The following AKAP7 variants were observed in gnomAD, a reference collection of about 807,000 sequenced individuals.
The protein encoded by AKAP7 is A kinase (PRKA) anchor protein 7.
A neutral mutation model predicts 39.5 loss-of-function variants in AKAP7; 39 were observed. The ratio of observed to expected loss-of-function variants is 0.99; its 90% CI spans 0.76 to 1.29. The LOEUF (loss-of-function observed/expected upper bound fraction) is 1.29, where lower values mean the gene tolerates loss of function less well. Ranked by LOEUF, AKAP7 falls within the 50% of genes most tolerant of loss-of-function variation. The probability of loss-of-function intolerance (pLI) is 0.00; values close to 1 mark genes in which losing one functional copy is unlikely to be tolerated. For missense variants in AKAP7, 414 were observed against 407.7 expected, an observed-to-expected ratio of 1.02 and a Z score of -0.13; for synonymous variants, 140 against 139.1, an observed-to-expected ratio of 1.01 and a Z score of -0.05.
intron 2 of AKAP7, among the ~76,000 whole-genome samples, chr6:131,153,509 T>C (rs1166758682): frequency 6.6e-6 from 1 of 152,210 alleles, no homozygotes; most frequent in Non-Finnish European, 1.5e-5. Context: ...TTATATGTTA[T>C]AACCATTACC....
intron 7 of AKAP7, among the ~76,000 whole-genome samples, chr6:131,228,312 G>GT (rs1294418636): frequency 6.6e-5 from 10 of 152,290 alleles, no homozygotes; most frequent in African/African-American, 2.4e-4. Flanking sequence ...ATTTGAAAAT[G>GT]TTGAATTTGA....
intron 2 of AKAP7, among the ~76,000 whole-genome samples, chr6:131,156,121 T>C (rs1418448904): frequency 6.6e-6 from 1 of 152,164 alleles, no homozygotes. Flanking sequence ...TGTTTTCCCT[T>C]CTATCTTTTG....
At chr6:131,263,705 A>G (rs1301188881) in intron 7 of AKAP7, among the ~76,000 whole-genome samples, 1 of 152,172 alleles carries the variant, frequency 6.6e-6, no homozygotes, top group Admixed American at 6.5e-5. Flanking sequence ...AGAGAATGTG[A>G]GAGGAGCAGT....
chr6:131,222,632 A>G (rs550789373), intron 7 of AKAP7, among the ~76,000 whole-genome samples: 1 of 152,320 alleles, frequency 6.6e-6, no homozygotes, highest in Non-Finnish European at 1.5e-5. Flanking sequence ...TTAGTGGATA[A>G]TGAGTTGCTT....
At chr6:131,262,994 A>AG (rs1444339388) in intron 7 of AKAP7, among the ~76,000 whole-genome samples, 1 of 152,180 alleles carries the variant, frequency 6.6e-6, no homozygotes, top group Non-Finnish European at 1.5e-5. Flanking sequence ...CTCAGACGTC[A>AG]GGGGGCCAAA....
At chr6:131,229,903 T>C (rs979017771) in intron 7 of AKAP7, among the ~76,000 whole-genome samples, 2 of 152,190 alleles carry the variant, frequency 1.3e-5, no homozygotes, top group Non-Finnish European at 2.9e-5. Context: ...TTTTAATTGT[T>C]GCTGCAAAGG....
At position 131,164,860 on chromosome 6, in the gene AKAP7, A is replaced by C. The variant is rs527779060; in HGVS notation, c.292-221A>C. Among the ~76,000 whole-genome samples the C allele has an allele frequency of 1.5e-4, 23 of 152,322 alleles. 1 individual carries two copies. The South Asian group carries it at 1.9e-3, about 12-fold the overall frequency. On this transcript the variant is annotated intron_variant, in intron 3 of 7. Coordinates refer to ENST00000431975, the MANE Select transcript of AKAP7 (RefSeq NM_016377.4). ...TGGGTTCAGTACTGTTAAGATAGAC[A>C]ATCATCATGCTTTAAAACTTACACA... is the stretch of plus-strand genomic sequence containing the variant.
rs186453348 is a variant in AKAP7, at chr6:131,279,393, T to A, written c.851-2137T>A. ...AAGTGATTCTCCTGCCTCAGCCCCC[T>A]GAGTAGCTGGGGCTACAGGTGCATG... is the stretch of plus-strand genomic sequence containing the variant. On this transcript the variant is annotated intron_variant, in intron 7 of 7. Coordinates refer to ENST00000431975, the MANE Select transcript of AKAP7 (RefSeq NM_016377.4). 5.1e-3 allele frequency among the ~76,000 whole-genome samples: 781 copies of A among 152,118 alleles called. 7 individuals are homozygous for A. The highest frequency in any genetic ancestry group is 0.018 in the African/African-American group (734 of 41,506).
chr6:131,271,743 A>G (rs1167093275), intron 7 of AKAP7, among the ~76,000 whole-genome samples: 1 of 152,188 alleles, frequency 6.6e-6, no homozygotes, highest in African/African-American at 2.4e-5. Flanking sequence ...GTAGAGACAC[A>G]TGAGTCAAAT....
chr6:131,227,253 C>T (rs1157846977), intron 7 of AKAP7, among the ~76,000 whole-genome samples: 3 of 152,090 alleles, frequency 2.0e-5, no homozygotes, highest in African/African-American at 7.2e-5. Flanking sequence ...CAACCTGATA[C>T]AATGAAAGAG....
chr6:131,224,819 A>G (rs757164369), intron 7 of AKAP7, among the ~76,000 whole-genome samples: 1 of 133,178 alleles, frequency 7.5e-6, no homozygotes, highest in Admixed American at 9.1e-5. Flanking sequence ...TTGGCTTACC[A>G]CAACCTCTAC....
chr6:131,189,845 C>T (rs1286008120), intron 5 of AKAP7, among the ~76,000 whole-genome samples: 1 of 151,932 alleles, frequency 6.6e-6, no homozygotes. Context: ...TTAGGAGGCA[C>T]CCTTACCTGA....
intron 5 of AKAP7, chr6:131,184,524 C>T (rs1014399445): frequency 4.3e-6 from 3 of 701,018 alleles, no homozygotes; most frequent in South Asian, 1.5e-5. Context: ...CATTTGTGCT[C>T]GATGCATTGC....
intron 1 of AKAP7, among the ~76,000 whole-genome samples, chr6:131,141,358 T>G (rs971394594): frequency 6.6e-6 from 1 of 152,202 alleles, no homozygotes; most frequent in Admixed American, 6.5e-5. Flanking sequence ...TCCCTTTGCC[T>G]TCCACTATGA....
intron 7 of AKAP7, among the ~76,000 whole-genome samples, chr6:131,245,117 A>C (rs1432436873): frequency 6.6e-6 from 1 of 152,214 alleles, no homozygotes; most frequent in Non-Finnish European, 1.5e-5. Context: ...GTTGTGGTTT[A>C]ATGATGTTGT....
intron 5 of AKAP7, among the ~76,000 whole-genome samples, chr6:131,174,074 A>G (rs1223089101): frequency 2.0e-5 from 3 of 152,218 alleles, no homozygotes; most frequent in African/African-American, 7.2e-5. Context: ...TTGATTAAAA[A>G]TACTTATGTT....
intron 7 of AKAP7, among the ~76,000 whole-genome samples, chr6:131,252,127 T>C (rs1812493482): frequency 6.6e-6 from 1 of 152,234 alleles, no homozygotes; most frequent in Non-Finnish European, 1.5e-5. Context: ...AAGGAATTTG[T>C]TCTTTTCTGT....
chr6:131,271,188 A>G (rs762189085), intron 7 of AKAP7, among the ~76,000 whole-genome samples: 4 of 152,158 alleles, frequency 2.6e-5, no homozygotes, highest in South Asian at 2.1e-4. Flanking sequence ...TAGACAGTTT[A>G]TACTTACAAA....
rs904854240 is a variant in AKAP7 at position 131,227,519 on chromosome 6, T to A, written c.850+7711T>A. Among the ~76,000 whole-genome samples the A allele has an allele frequency of 1.3e-5, 2 of 152,204 alleles. 1 individual carries two copies. The highest frequency in any genetic ancestry group is 1.3e-4 in the Admixed American group (2 of 15,282). ...GGTACATACACTAAAACAAGGATGA[T>A]GTTTAATACTCAACAACACAGGACC... On this transcript the variant is annotated intron_variant, in intron 7 of 7. Coordinates refer to ENST00000431975, the MANE Select transcript of AKAP7 (RefSeq NM_016377.4).
Sources: gnomAD v4.1 joint callset for allele counts (sites outside exome capture counted in the v4.1 genomes callset) on GRCh38, gnomAD v4.1.1 for gene constraint, MANE v1.5 for transcripts, NCBI Gene and HGNC (gene_info 2026-07-23, HGNC 2026-07-21) for gene names.